Variants in THSD7B observed in about 807,000 individuals in gnomAD.
The protein encoded by THSD7B is thrombospondin type-1 domain-containing protein 7B.
THSD7B carries 138 observed loss-of-function variants against 213.6 expected under a neutral mutation model. The observed-to-expected ratio is 0.65, with a 90% CI of 0.56 to 0.74. The LOEUF (loss-of-function observed/expected upper bound fraction) is 0.74. Ranked by LOEUF, THSD7B falls within the 30% of genes least tolerant of loss-of-function variation. The pLI is 0.00. For synonymous variants in THSD7B, 742 were observed against 687.0 expected (o/e 1.08, Z -1.25); for missense variants, 1,931 against 1,991.5 (o/e 0.97, Z 0.58).
At chr2:137,069,182 C>G (rs1687433621) in intron 3 of THSD7B, among the ~76,000 whole-genome samples, 1 of 151,998 alleles carries the variant, frequency 6.6e-6, no homozygotes, top group African/African-American at 2.4e-5. Flanking sequence ...TCCATTATTA[C>G]ATTTAAAAAT....
intron 12 of THSD7B, among the ~76,000 whole-genome samples, chr2:137,298,020 G>A (rs1320957458): frequency 6.6e-6 from 1 of 152,150 alleles, no homozygotes; most frequent in Non-Finnish European, 1.5e-5. Context: ...GCAGGCAGAA[G>A]TTGGAACAAT....
chr2:137,003,315 G>A (rs1686037398), intron 2 of THSD7B, among the ~76,000 whole-genome samples: 2 of 152,276 alleles, frequency 1.3e-5, no homozygotes, highest in Middle Eastern at 6.8e-3. Context: ...AATGGAAAGA[G>A]CATTCCAAGA....
chr2:136,864,606 G>T (rs1330417007), intron 1 of THSD7B, among the ~76,000 whole-genome samples: 1 of 151,134 alleles, frequency 6.6e-6, no homozygotes, highest in African/African-American at 2.4e-5. Flanking sequence ...AGGCTGGAGT[G>T]CAGTGGTGCG....
At chr2:136,959,052 G>A (rs1009871156) in intron 2 of THSD7B, among the ~76,000 whole-genome samples, 1 of 152,098 alleles carries the variant, frequency 6.6e-6, no homozygotes, top group Non-Finnish European at 1.5e-5. Flanking sequence ...AGGGATTCTG[G>A]GAAATTCTTT....
At chr2:137,479,902 T>A (rs1216927331) in intron 15 of THSD7B, among the ~76,000 whole-genome samples, 1 of 152,108 alleles carries the variant, frequency 6.6e-6, no homozygotes, top group Non-Finnish European at 1.5e-5. Flanking sequence ...TGGTGCACAA[T>A]CTCCAGGCAG....
intron 12 of THSD7B, among the ~76,000 whole-genome samples, chr2:137,328,891 G>A (rs1177274606): frequency 6.6e-6 from 1 of 152,152 alleles, no homozygotes; most frequent in African/African-American, 2.4e-5. Flanking sequence ...ATGATTGTAA[G>A]TTTCCTGAGG....
intron 10 of THSD7B, among the ~76,000 whole-genome samples, chr2:137,251,702 C>G (rs981347384): frequency 1.6e-4 from 25 of 152,154 alleles, no homozygotes; most frequent in Non-Finnish European, 2.9e-4. Flanking sequence ...GTCCACAAAC[C>G]TTCAGCTCAG....
At chr2:136,774,382 G>A (rs537818374) in intron 1 of THSD7B, among the ~76,000 whole-genome samples, 2 of 152,146 alleles carry the variant, frequency 1.3e-5, no homozygotes, top group South Asian at 4.1e-4. Flanking sequence ...TCCCTGGTAG[G>A]TAGCATTCTT....
chr2:136,810,358 TC>T (rs766790803), intron 1 of THSD7B, among the ~76,000 whole-genome samples: 1 of 152,212 alleles, frequency 6.6e-6, no homozygotes, highest in Non-Finnish European at 1.5e-5. Context: ...AAGTGAAACT[TC>T]CTTTAAAATG....
At chr2:137,138,343 C>A (rs773415755) in intron 5 of THSD7B, among the ~76,000 whole-genome samples, 1 of 152,102 alleles carries the variant, frequency 6.6e-6, no homozygotes, top group Non-Finnish European at 1.5e-5. Flanking sequence ...TATGCACCTG[C>A]CAGCTGTGTG....
At chr2:137,163,583 G>T (rs572193033) in intron 6 of THSD7B, among the ~76,000 whole-genome samples, 1 of 152,338 alleles carries the variant, frequency 6.6e-6, no homozygotes, top group Admixed American at 6.5e-5. Context: ...AGAGAGGCAT[G>T]GCACAGATTC....
chr2:137,545,917 T>A (rs1339352840), intron 15 of THSD7B, among the ~76,000 whole-genome samples: 1 of 151,756 alleles, frequency 6.6e-6, no homozygotes, highest in African/African-American at 2.4e-5. Context: ...ACATTGAATA[T>A]TACCTGCCTT....
At chr2:137,341,670 T>G (rs1334704538) in intron 12 of THSD7B, among the ~76,000 whole-genome samples, 2 of 151,690 alleles carry the variant, frequency 1.3e-5, no homozygotes, top group African/African-American at 4.8e-5. Flanking sequence ...AAGGTCCACT[T>G]TCATTCTTCT....
chr2:137,620,697 C>T lies in THSD7B; in HGVS notation c.3770C>T (p.Thr1257Ile). 1 of 1,613,902 alleles carries T rather than the reference C, an allele frequency of 6.2e-7. No homozygotes were observed. Among genetic ancestry groups the T allele is most frequent in the South Asian group, 1.1e-5 (1 of 91,082 alleles). The change falls in exon 20 of 28, where the codon ACA becomes ATA. Residue 1257 changes from threonine (T) to isoleucine (I), a missense_variant. Transcript: ENST00000409968. Reference protein sequence around the residue: ...NCQLSGWTAWTECSQTCGHGG... With the variant: ...NCQLSGWTAWIECSQTCGHGG... ...CAGCTCTCAGGGTGGACGGCTTGGA[C>T]AGAGTGTTCACAGACCTGTGGCCAT...
At chr2:136,959,023 A>G (rs551653329) in intron 2 of THSD7B, among the ~76,000 whole-genome samples, 5 of 152,262 alleles carry the variant, frequency 3.3e-5, no homozygotes, top group South Asian at 2.1e-4. Flanking sequence ...GTACCTGACT[A>G]TTCAGATTCT....
intron 18 of THSD7B, among the ~76,000 whole-genome samples, chr2:137,618,190 G>C (rs759108999): frequency 6.6e-6 from 1 of 152,100 alleles, no homozygotes; most frequent in African/African-American, 2.4e-5. Flanking sequence ...AATTTAAGTA[G>C]GTAACTCACT....
At position 137,139,363 on chromosome 2, in the gene THSD7B, T is replaced by C. The variant is rs184832511; in HGVS notation, c.1370-20850T>C. ...GATTATATCTCTGAAAAAAAATTAG[T>C]AGTGAAAGGATCTGCTACTCTGGAT... On this transcript the variant is annotated intron_variant, in intron 5 of 27. Transcript: ENST00000409968. 3.5e-3 allele frequency among the ~76,000 whole-genome samples: 529 copies of C among 152,248 alleles called. 1 individual carries two copies. Among genetic ancestry groups the C allele is most frequent in the African/African-American group, 0.012 (501 of 41,542 alleles).
At chr2:137,146,524 C>A (rs1679706567) in intron 5 of THSD7B, among the ~76,000 whole-genome samples, 1 of 151,960 alleles carries the variant, frequency 6.6e-6, no homozygotes. Flanking sequence ...ACTAGTAGTA[C>A]TCATCTCATA....
chr2:137,645,402 A>G (rs1573762890), intron 21 of THSD7B, among the ~76,000 whole-genome samples: 1 of 152,350 alleles, frequency 6.6e-6, no homozygotes, highest in East Asian at 1.9e-4. Flanking sequence ...TCTTTCTCTT[A>G]GAAACCTGGG....
Sources: gnomAD v4.1 joint callset for allele counts (sites outside exome capture counted in the v4.1 genomes callset) on GRCh38, gnomAD v4.1.1 for gene constraint, MANE v1.5 for transcripts, NCBI Gene and HGNC (gene_info 2026-07-23, HGNC 2026-07-21) for gene names.